Variants in PDE6C observed in about 807,000 individuals in gnomAD.
PDE6C encodes phosphodiesterase 6C, also known as cone cGMP-specific 3',5'-cyclic phosphodiesterase subunit alpha'.
A neutral mutation model predicts 113.1 loss-of-function variants in PDE6C; 75 were observed. That is an observed-to-expected ratio of 0.66 (90% CI 0.55 to 0.80). The LOEUF (loss-of-function observed/expected upper bound fraction) is 0.80. PDE6C is among the 30% of genes least tolerant of loss of function. The pLI, the probability that PDE6C is intolerant of heterozygous loss-of-function variation, is 0.00. For missense variants in PDE6C, 912 were observed against 1,038.6 expected, an observed-to-expected ratio of 0.88 and a Z score of 1.67; for synonymous variants, 375 against 363.7, an observed-to-expected ratio of 1.03 and a Z score of -0.35.
At chr10:93,644,725 C>T (rs1223495812) in intron 14 of PDE6C, among the ~76,000 whole-genome samples, 1 of 149,418 alleles carries the variant, frequency 6.7e-6, no homozygotes, top group African/African-American at 2.4e-5. Context: ...CCCTTCCTGG[C>T]CTCTGATAAC....
rs1323777397 is a variant in PDE6C at position 93,662,561 on chromosome 10, C to T, written c.2285C>T (p.Pro762Leu). The part of the protein sequence containing the change: ...ERTVLQQQPI[P>L]MMDRNKRDEL... The stretch of plus-strand genomic sequence containing the variant: ...TAAAGGATTTATTTCTCTTTCTAGC[C>T]TATGATGGACAGAAACAAAAGAGAT... The change falls in exon 20 of 22, where the codon CCT becomes CTT. Residue 762 changes from proline (P) to leucine (L), a missense_variant and splice_region_variant. Coordinates refer to ENST00000371447, the MANE Select transcript of PDE6C (RefSeq NM_006204.4). 1 of 1,402,666 alleles carries T rather than the reference C, an allele frequency of 7.1e-7. No individual in the cohort carries two copies. Among genetic ancestry groups the T allele is most frequent in the African/African-American group, 1.4e-5 (1 of 70,598 alleles). The allele number at this position is 1,402,666 out of a possible 1,614,324, so 86.9% of individuals were successfully genotyped here. A position where few individuals can be genotyped will look rare whatever the true frequency, so the allele number is the denominator to read the frequency against.
intron 11 of PDE6C, among the ~76,000 whole-genome samples, chr10:93,639,532 C>T (rs1196249313): frequency 1.3e-5 from 2 of 152,172 alleles, no homozygotes; most frequent in East Asian, 3.8e-4. Flanking sequence ...ATTCAACAGG[C>T]ATTTCCTGAG....
intron 4 of PDE6C, among the ~76,000 whole-genome samples, chr10:93,625,229 C>A (rs988964712): frequency 2.6e-5 from 4 of 152,276 alleles, no homozygotes; most frequent in Admixed American, 1.3e-4. Flanking sequence ...TTGGCCAAGC[C>A]TTTTACCAGA....
Position 93,647,168 on chromosome 10 carries a change from C to A in PDE6C, c.1935+1121C>A, listed in dbSNP as rs77601166. 5.5e-3 allele frequency among the ~76,000 whole-genome samples: 835 copies of A among 152,218 alleles called. 5 individuals carry two copies. Among genetic ancestry groups the A allele is most frequent in the African/African-American group, 0.019 (797 of 41,540 alleles). On this transcript the variant is annotated intron_variant, in intron 15 of 21. Coordinates refer to ENST00000371447, the MANE Select transcript of PDE6C (RefSeq NM_006204.4). ...TTGTCTAATTATACTTTCTTAAGAA[C>A]GTTCCAAACCAAAAATGATTAAGGT...
intron 19 of PDE6C, 53 bp downstream of exon 19, chr10:93,662,186 C>T (rs372742012): frequency 4.2e-5 from 50 of 1,195,938 alleles, no homozygotes; most frequent in African/African-American, 2.2e-4. Context: ...CAGGACAGGC[C>T]GGGCGCGGTG....
At chr10:93,631,627 A>G (rs2058502149) in intron 8 of PDE6C, among the ~76,000 whole-genome samples, 2 of 152,214 alleles carry the variant, frequency 1.3e-5, no homozygotes, top group Admixed American at 1.3e-4. Context: ...TCACCTGTGC[A>G]TCATTCCGCA....
chr10:93,664,158 T>A (rs2058679524), intron 21 of PDE6C, among the ~76,000 whole-genome samples: 1 of 152,164 alleles, frequency 6.6e-6, no homozygotes, highest in South Asian at 2.1e-4. Context: ...AAAGATGGGA[T>A]CCTTTATCTT....
chr10:93,631,953 C>T (rs1290623745), intron 8 of PDE6C, among the ~76,000 whole-genome samples: 2 of 152,180 alleles, frequency 1.3e-5, no homozygotes, highest in African/African-American at 4.8e-5. Context: ...GTCAGAATTC[C>T]AAAATGAGTC....
chr10:93,621,931 G>C lies in PDE6C; in HGVS notation c.724-1G>C. 1 of 1,613,448 alleles carries C rather than the reference G, an allele frequency of 6.2e-7. No homozygotes were observed. Among genetic ancestry groups the C allele is most frequent in the East Asian group, 2.2e-5 (1 of 44,866 alleles). ...GTTTTCTTTTTGATACCTACTTTCA[G>C]ATCCTTATGTGGTCAGCCAATAAAG... On this transcript the variant is annotated splice_acceptor_variant, in intron 3 of 21. Coordinates refer to ENST00000371447, the MANE Select transcript of PDE6C (RefSeq NM_006204.4). LOFTEE classifies it high-confidence loss of function.
Position 93,659,098 on chromosome 10 carries a change from C to T in PDE6C, c.2145-6C>T. 1.2e-6 allele frequency: 2 copies of T among 1,609,174 alleles called. No homozygotes were observed. Among genetic ancestry groups the T allele is most frequent in the Non-Finnish European group, 1.7e-6 (2 of 1,177,672 alleles). ...CTATTTTAAAATTTTTTGTTTTCTT[C>T]CTAAGGGCAATGATGATGACGGCAT... On this transcript the variant is annotated splice_region_variant and splice_polypyrimidine_tract_variant and intron_variant, in intron 17 of 21. Coordinates refer to ENST00000371447, the MANE Select transcript of PDE6C (RefSeq NM_006204.4).
At chr10:93,620,112 G>A (rs775816740) in intron 1 of PDE6C, among the ~76,000 whole-genome samples, 5 of 152,164 alleles carry the variant, frequency 3.3e-5, no homozygotes, top group Non-Finnish European at 7.3e-5. Context: ...CACACCAGCA[G>A]TTAGCACGGA....
At chr10:93,616,537 T>G (rs1333093117) in intron 1 of PDE6C, among the ~76,000 whole-genome samples, 2 of 152,156 alleles carry the variant, frequency 1.3e-5, no homozygotes, top group African/African-American at 4.8e-5. Flanking sequence ...GCTCAATAAA[T>G]GATAGCTGTG....
chr10:93,655,684 C>A (rs559318084), intron 15 of PDE6C, 76 bp from the exon 16 acceptor site: 69 of 571,956 alleles, frequency 1.2e-4, no homozygotes, highest in Non-Finnish European at 1.6e-4. Context: ...TTTAGATTTT[C>A]TTCTTGTTAA....
rs2058686508 is a variant in PDE6C at position 93,665,599 on chromosome 10, A to G, written c.*181A>G. ...CAGGGGCAAAATAAAGTTCAACAAA[A>G]GTGCAAAATATGACAAAAATAGGTA... On this transcript the variant is annotated 3_prime_UTR_variant, in exon 22 of 22. Transcript: ENST00000371447. 1.7e-6 allele frequency: 1 copy of G among 591,244 alleles called. No homozygotes were observed. The highest frequency in any genetic ancestry group is 3.0e-6 in the Non-Finnish European group (1 of 332,984). 36.6% of individuals were successfully genotyped at this position (591,244 alleles called of 1,614,324 possible). A position where few individuals can be genotyped will look rare whatever the true frequency, so the allele number is the denominator to read the frequency against.
rs199790457 is a variant in PDE6C at position 93,663,137 on chromosome 10, T to C, written c.2477T>C (p.Ile826Thr). The C allele has an allele frequency of 2.3e-4, 374 of 1,613,732 alleles. 3 individuals are homozygous for C. The South Asian group carries it at 3.2e-3, about 14-fold the overall frequency. ...ADEYDAKMKV[I>T]EEEAKKQEGG... ...GAGTATGATGCAAAGATGAAGGTCATTGAAGAGGAGGCAAAAAAGCAAGAA... is the reference window on the plus strand; with the variant it reads ...GAGTATGATGCAAAGATGAAGGTCACTGAAGAGGAGGCAAAAAAGCAAGAA... Residue 826 changes from isoleucine to threonine, a missense_variant, in exon 21 of 22, where the codon ATT becomes ACT. By Grantham distance (89) the Ile-to-Thr change is moderately conservative (BLOSUM62 -1). Coordinates refer to ENST00000371447, the MANE Select transcript of PDE6C (RefSeq NM_006204.4).
chr10:93,662,118 G>A lies in PDE6C; in HGVS notation c.2268G>A (p.Leu756=). 6.2e-7 allele frequency: 1 copy of A among 1,603,782 alleles called. No individual in the cohort carries two copies. Among genetic ancestry groups the A allele is most frequent in the Non-Finnish European group, 8.5e-7 (1 of 1,170,762 alleles). The change falls in exon 19 of 22, where the codon TTG becomes TTA. Residue 756 remains leucine (L), a synonymous_variant. Coordinates refer to ENST00000371447, the MANE Select transcript of PDE6C (RefSeq NM_006204.4). ...WEQGDLERTV[L]QQQPIPMMDR... Reference sequence around the variant, plus strand: ...AAGGAGATCTGGAGAGAACAGTGTTGCAGCAACAACCCATTGTAAGACCTT... The same window carrying A: ...AAGGAGATCTGGAGAGAACAGTGTTACAGCAACAACCCATTGTAAGACCTT...
At chr10:93,630,403 C>G (rs2058495481) in intron 8 of PDE6C, among the ~76,000 whole-genome samples, 1 of 150,674 alleles carries the variant, frequency 6.6e-6, no homozygotes, top group Non-Finnish European at 1.5e-5. Flanking sequence ...TGTCACCCCC[C>G]ACCTGTCATC....
At chr10:93,634,252 A>T (rs1020049512) in intron 8 of PDE6C, among the ~76,000 whole-genome samples, 1 of 152,082 alleles carries the variant, frequency 6.6e-6, no homozygotes, top group East Asian at 1.9e-4. Context: ...CGAGCTCCTG[A>T]CCTCAGGTGA....
chr10:93,652,588 T>G (rs1305278068), intron 15 of PDE6C, among the ~76,000 whole-genome samples: 1 of 152,258 alleles, frequency 6.6e-6, no homozygotes, highest in Non-Finnish European at 1.5e-5. Flanking sequence ...TGACTCATTT[T>G]GAAAAGTAAG....
Sources: allele counts gnomAD v4.1 joint callset (sites outside exome capture counted in the v4.1 genomes callset), GRCh38; gene constraint gnomAD v4.1.1; transcripts MANE v1.5; gene names NCBI Gene and HGNC (gene_info 2026-07-23, HGNC 2026-07-21).